The following GRIP2 variants were observed in gnomAD, a reference collection of about 807,000 sequenced individuals.
GRIP2 encodes glutamate receptor-interacting protein 2.
GRIP2 carries 58 observed loss-of-function variants against 108.3 expected under a neutral mutation model. That is an observed-to-expected ratio of 0.54 (90% CI 0.43 to 0.67). The LOEUF (loss-of-function observed/expected upper bound fraction) is 0.67, where lower values mean the gene tolerates loss of function less well. Ranked by LOEUF, GRIP2 falls within the 30% of genes least tolerant of loss-of-function variation. The probability of loss-of-function intolerance (pLI) is 0.00; values close to 1 mark genes in which losing one functional copy is unlikely to be tolerated. For synonymous variants in GRIP2, 586 were observed against 598.2 expected (o/e 0.98, Z 0.30); for missense variants, 1,278 against 1,430.6 (o/e 0.89, Z 1.72).
the GRIP2 span, among the ~76,000 whole-genome samples, chr3:14,571,980 T>C: frequency 1.2e-4 from 18 of 152,306 alleles, no homozygotes; most frequent in African/African-American, 4.1e-4. Flanking sequence ...TACAGCGACT[T>C]TGGAAAGCTG....
the GRIP2 span, among the ~76,000 whole-genome samples, chr3:14,576,179 A>G: frequency 6.6e-6 from 1 of 152,244 alleles, no homozygotes; most frequent in Non-Finnish European, 1.5e-5. Flanking sequence ...AACCCCAGGC[A>G]GATAGAAGAG....
At position 14,509,794 on chromosome 3, in the gene GRIP2, T is replaced by C. The variant is rs1426449142; in HGVS notation, c.2078+26A>G. On this transcript the variant is annotated intron_variant, in intron 17 of 23. Transcript: ENST00000621039. ...CTTCCTGTGTTCCCTGAGCCCACCA[T>C]GCGTCCCCACAGAGCCCCAGTTCAC... 4 of 1,430,054 alleles carry C rather than the reference T, an allele frequency of 2.8e-6. No individual in the cohort carries two copies. The African/African-American group carries it at 4.3e-5, about 16-fold the overall frequency. 88.6% of individuals were successfully genotyped at this position (1,430,054 alleles called of 1,614,324 possible). A position where few individuals can be genotyped will look rare whatever the true frequency, so the allele number is the denominator to read the frequency against.
the GRIP2 span, among the ~76,000 whole-genome samples, chr3:14,599,679 C>CTGTGTG: frequency 4.7e-4 from 50 of 107,072 alleles, no homozygotes; most frequent in African/African-American, 1.7e-3. Flanking sequence ...CTCTCTCTCT[C>CTGTGTG]TCTCTCTGTG....
intron 1 of GRIP2, among the ~76,000 whole-genome samples, chr3:14,530,472 C>T (rs1262124043): frequency 1.3e-5 from 2 of 152,166 alleles, no homozygotes; most frequent in Admixed American, 1.3e-4. Flanking sequence ...CTTTGGGAGA[C>T]AATATTGAAT....
the GRIP2 span, among the ~76,000 whole-genome samples, chr3:14,566,414 C>A: frequency 6.6e-6 from 1 of 152,228 alleles, no homozygotes; most frequent in Non-Finnish European, 1.5e-5. Flanking sequence ...TCAGGAAGCC[C>A]CAGATGGTAG....
chr3:14,550,091 CAT>C (rs1343356519), intron 1 of GRIP2, among the ~76,000 whole-genome samples: 7 of 152,196 alleles, frequency 4.6e-5, no homozygotes, highest in Non-Finnish European at 8.8e-5. Context: ...GCAACGACCA[CAT>C]GTTTGAGGAC....
At chr3:14,558,871 G>T (rs1559358208), upstream of GRIP2, among the ~76,000 whole-genome samples, 1 of 152,336 alleles carries the variant, frequency 6.6e-6, no homozygotes, top group East Asian at 1.9e-4. Flanking sequence ...CTTCCCTGGG[G>T]CCCCTTAGCT....
chr3:14,562,031 C>T, the GRIP2 span, among the ~76,000 whole-genome samples: 1 of 152,180 alleles, frequency 6.6e-6, no homozygotes, highest in Non-Finnish European at 1.5e-5. Flanking sequence ...GGGTAAATGA[C>T]AGATGTAACA....
the GRIP2 span, among the ~76,000 whole-genome samples, chr3:14,585,554 C>T: frequency 1.3e-5 from 2 of 152,156 alleles, no homozygotes; most frequent in South Asian, 4.1e-4. Flanking sequence ...TGGGCAGAGC[C>T]ACCTTGTCCT....
the GRIP2 span, among the ~76,000 whole-genome samples, chr3:14,597,826 G>A: frequency 6.6e-6 from 1 of 152,202 alleles, no homozygotes; most frequent in African/African-American, 2.4e-5. Flanking sequence ...CTGACATCAT[G>A]ATCCATGGCA....
the GRIP2 span, among the ~76,000 whole-genome samples, chr3:14,599,685 CTG>C: frequency 2.6e-3 from 326 of 127,548 alleles, 1 homozygote; most frequent in South Asian, 0.012. Flanking sequence ...CTCTCTCTCT[CTG>C]TGTGTGTGTG....
chr3:14,601,341 C>G, the GRIP2 span, among the ~76,000 whole-genome samples: 1 of 152,192 alleles, frequency 6.6e-6, no homozygotes, highest in Non-Finnish European at 1.5e-5. Flanking sequence ...GGGCACCTGG[C>G]TCTGCGAGAT....
At chr3:14,584,965 T>C in the GRIP2 span, among the ~76,000 whole-genome samples, 2 of 152,236 alleles carry the variant, frequency 1.3e-5, no homozygotes, top group African/African-American at 4.8e-5. Context: ...CCAGGATGCC[T>C]GCAGGGCCAG....
At chr3:14,599,229 G>A in the GRIP2 span, among the ~76,000 whole-genome samples, 1 of 152,138 alleles carries the variant, frequency 6.6e-6, no homozygotes, top group African/African-American at 2.4e-5. Flanking sequence ...CTGCATCTAT[G>A]TTTCCCCCAT....
chr3:14,517,657 A>C, intron 10 of GRIP2, 115 bp downstream of exon 10: 2 of 1,369,148 alleles, frequency 1.5e-6, no homozygotes, highest in Non-Finnish European at 2.0e-6. Flanking sequence ...GTGCACCACC[A>C]CACCCAGCTC....
the GRIP2 span, among the ~76,000 whole-genome samples, chr3:14,598,098 AC>A: frequency 2.0e-5 from 3 of 152,100 alleles, no homozygotes; most frequent in African/African-American, 7.2e-5. Flanking sequence ...CGCACTGGAA[AC>A]CACACACAAA....
chr3:14,599,679 C>G, the GRIP2 span, among the ~76,000 whole-genome samples: 190 of 107,062 alleles, frequency 1.8e-3, no homozygotes, highest in African/African-American at 6.6e-3. Flanking sequence ...CTCTCTCTCT[C>G]TCTCTCTGTG....
At chr3:14,551,180 T>C (rs1695141636) in intron 1 of GRIP2, among the ~76,000 whole-genome samples, 1 of 152,084 alleles carries the variant, frequency 6.6e-6, no homozygotes, top group South Asian at 2.1e-4. Context: ...TTCCGCTCCA[T>C]CTGACTATCT....
chr3:14,506,870 C>G lies in GRIP2; in HGVS notation c.2329G>C (p.Val777Leu). Residue 777 changes from valine (V) to leucine (L), a missense_variant, in exon 19 of 24, where the codon GTG becomes CTG. Transcript: ENST00000621039. ...TCCACAGCACTGTCCACACTGGGCA[C>G]AGCCGGCGAGAAGCGGGCTGCTGGC... is the stretch of plus-strand genomic sequence containing the variant. ...GLPAARFSPAVPSVDSAVESW... is the reference protein window; with the variant it reads ...GLPAARFSPALPSVDSAVESW... 3 of 1,607,252 alleles carry G rather than the reference C, an allele frequency of 1.9e-6. No individual in the cohort carries two copies. In the East Asian group the frequency reaches 6.7e-5, roughly 36 times the overall value.
Sources: allele counts gnomAD v4.1 joint callset (sites outside exome capture counted in the v4.1 genomes callset), GRCh38; gene constraint gnomAD v4.1.1; transcripts MANE v1.5; gene names NCBI Gene and HGNC (gene_info 2026-07-23, HGNC 2026-07-21).